The following PTPRN2 variants were observed in gnomAD, a reference collection of about 807,000 sequenced individuals.
PTPRN2 encodes protein tyrosine phosphatase receptor type N2.
Under a neutral mutation model 118.8 loss-of-function variants are expected in PTPRN2, and 74 were observed. The observed-to-expected ratio is 0.62, with a 90% CI of 0.52 to 0.76. The LOEUF (loss-of-function observed/expected upper bound fraction) is 0.76. Ranked by LOEUF, PTPRN2 falls within the 30% of genes least tolerant of loss-of-function variation. The pLI, the probability that PTPRN2 is intolerant of heterozygous loss-of-function variation, is 0.00. For synonymous variants in PTPRN2, 641 were observed against 608.0 expected (o/e 1.05, Z -0.80); for missense variants, 1,481 against 1,394.4 (o/e 1.06, Z -0.99).
intron 3 of PTPRN2, among the ~76,000 whole-genome samples, chr7:158,266,396 C>T (rs572140827): frequency 1.7e-4 from 24 of 145,408 alleles, no homozygotes; most frequent in Non-Finnish European, 3.0e-4. Flanking sequence ...AGGCTGGGGA[C>T]GGTGTCTGCT....
intron 15 of PTPRN2, among the ~76,000 whole-genome samples, chr7:157,613,530 C>T (rs1563262630): frequency 6.6e-6 from 1 of 152,154 alleles, no homozygotes; most frequent in Non-Finnish European, 1.5e-5. Flanking sequence ...GGGTCCGGGG[C>T]GCGTCCTCAG....
intron 11 of PTPRN2, among the ~76,000 whole-genome samples, chr7:157,937,645 C>T (rs1021272905): frequency 2.0e-5 from 3 of 152,218 alleles, no homozygotes; most frequent in Non-Finnish European, 4.4e-5. Flanking sequence ...AGGTTCTGCC[C>T]CGGACTCTCA....
At chr7:158,453,706 C>T (rs2602175) in intron 2 of PTPRN2, among the ~76,000 whole-genome samples, 82,605 of 151,938 alleles carry the variant, frequency 0.54, 22,606 homozygotes, top group Non-Finnish European at 0.55. Flanking sequence ...ATTACTGTCA[C>T]ACAAATTAAC....
intron 11 of PTPRN2, among the ~76,000 whole-genome samples, chr7:157,941,030 A>C (rs1230148360): frequency 2.0e-5 from 1 of 49,212 alleles, no homozygotes; most frequent in Non-Finnish European, 3.2e-5. Context: ...CACCCTCCCC[A>C]CCACGACACT....
intron 3 of PTPRN2, among the ~76,000 whole-genome samples, chr7:158,259,299 C>T (rs775473452): frequency 7.9e-5 from 12 of 152,156 alleles, no homozygotes; most frequent in Non-Finnish European, 1.5e-4. Flanking sequence ...AGGCAGGCCA[C>T]GCAGGACACG....
At chr7:157,932,393 TCAGTC>T (rs1483475458) in intron 11 of PTPRN2, among the ~76,000 whole-genome samples, 1 of 145,138 alleles carries the variant, frequency 6.9e-6, no homozygotes, top group Admixed American at 6.9e-5. Flanking sequence ...ATCCTTCAGT[TCAGTC>T]TTTCTTGGTC....
At chr7:157,969,624 G>A (rs1447938706) in intron 11 of PTPRN2, among the ~76,000 whole-genome samples, 1 of 152,050 alleles carries the variant, frequency 6.6e-6, no homozygotes, top group African/African-American at 2.4e-5. Context: ...ATGCTTGGAA[G>A]GAAGCTGTGG....
intron 9 of PTPRN2, among the ~76,000 whole-genome samples, chr7:158,127,036 A>G (rs1817748600): frequency 6.6e-6 from 1 of 152,198 alleles, no homozygotes; most frequent in South Asian, 2.1e-4. Context: ...AAGTTTTGTC[A>G]TAAGAAACAC....
intron 11 of PTPRN2, among the ~76,000 whole-genome samples, chr7:157,971,450 C>T (rs950472842): frequency 3.3e-5 from 5 of 152,050 alleles, no homozygotes; most frequent in African/African-American, 9.7e-5. Context: ...CTGTAATGAG[C>T]GCCACTTGGA....
intron 2 of PTPRN2, among the ~76,000 whole-genome samples, chr7:158,461,490 C>T (rs951765592): frequency 8.6e-6 from 1 of 116,170 alleles, no homozygotes; most frequent in African/African-American, 3.2e-5. Flanking sequence ...AGCGAGACTC[C>T]GTCTCAAAAA....
chr7:158,264,905 C>T (rs984340569), intron 3 of PTPRN2, among the ~76,000 whole-genome samples: 12 of 152,118 alleles, frequency 7.9e-5, no homozygotes, highest in African/African-American at 2.9e-4. Flanking sequence ...TGGGGTCCTC[C>T]TCCTCTTCCC....
Position 157,908,524 on chromosome 7 carries a change from C to T in PTPRN2, c.1724-9787G>A, listed in dbSNP as rs887470778. Among the ~76,000 whole-genome samples the T allele has an allele frequency of 2.6e-5, 4 of 152,340 alleles. No homozygotes were observed. In the East Asian group the frequency reaches 5.8e-4, roughly 22 times the overall value. On this transcript the variant is annotated intron_variant, in intron 11 of 22. Transcript: ENST00000389418. ...CCCACTCTTGCGTTTCTTTGCACGT[C>T]GGCTCACAGCTCTAGAAGTACTCAC...
intron 11 of PTPRN2, among the ~76,000 whole-genome samples, chr7:157,904,759 G>C (rs1222234731): frequency 1.4e-5 from 2 of 144,520 alleles, no homozygotes; most frequent in Non-Finnish European, 2.9e-5. Context: ...CTCACTGGCA[G>C]AGAGAATCGA....
chr7:158,051,662 A>G (rs1428504825), intron 11 of PTPRN2, among the ~76,000 whole-genome samples: 1 of 152,258 alleles, frequency 6.6e-6, no homozygotes, highest in Non-Finnish European at 1.5e-5. Flanking sequence ...GGTGACGTTC[A>G]GCACTGATTA....
intron 9 of PTPRN2, among the ~76,000 whole-genome samples, chr7:158,123,612 C>G (rs1358186758): frequency 3.9e-5 from 6 of 152,276 alleles, no homozygotes; most frequent in Non-Finnish European, 8.8e-5. Flanking sequence ...GCTAGTGGGG[C>G]TGTCCACACC....
At position 158,070,579 on chromosome 7, in the gene PTPRN2, GGTGGTGGAGGTGCCT is replaced by G. The variant is rs1379852808; in HGVS notation, c.1723+10704_1723+10718del. Among the ~76,000 whole-genome samples, 964 of 116,552 alleles carry G rather than the reference GGTGGTGGAGGTGCCT, an allele frequency of 8.3e-3. 55 individuals are homozygous for G. Among genetic ancestry groups the G allele is most frequent in the Non-Finnish European group, 0.011 (602 of 56,998 alleles). 76.5% of individuals were successfully genotyped at this position (116,552 alleles called of 152,430 possible). A position where few individuals can be genotyped will look rare whatever the true frequency, so the allele number is the denominator to read the frequency against. On this transcript the variant is annotated intron_variant, in intron 11 of 22. Transcript: ENST00000389418. The stretch of plus-strand genomic sequence containing the variant: ...CCATGGTGGTGGTGGAGGTGCCCGT[GGTGGTGGAGGTGCCT>G]GTGGTGGAGGTGCTCCTGGTGGTGG...
Position 157,969,124 on chromosome 7 carries a change from C to CTT in PTPRN2, c.1724-70389_1724-70388dup, listed in dbSNP as rs11395845. Among the ~76,000 whole-genome samples the CTT allele has an allele frequency of 1.6e-3, 235 of 149,976 alleles. 1 individual carries two copies. The highest frequency in any genetic ancestry group is 5.2e-3 in the African/African-American group (214 of 40,830). On this transcript the variant is annotated intron_variant, in intron 11 of 22. Transcript: ENST00000389418. ...GCAATATCCATGGCATCAATGTTTC[C>CTT]TTTTTTTTTTCATCTTGCTCTGTCA...
At chr7:158,074,381 A>C (rs1325889853) in intron 11 of PTPRN2, among the ~76,000 whole-genome samples, 1 of 152,196 alleles carries the variant, frequency 6.6e-6, no homozygotes, top group Non-Finnish European at 1.5e-5. Flanking sequence ...CTGTGTTTCT[A>C]ACAGGTCCTC....
chr7:157,608,412 G>A lies in PTPRN2; in HGVS notation c.2345-4337C>T, dbSNP rs73163822. Among the ~76,000 whole-genome samples the A allele has an allele frequency of 3.3e-5, 5 of 152,224 alleles. 1 individual carries two copies. The highest frequency in any genetic ancestry group is 9.6e-5 in the African/African-American group (4 of 41,530). ...TAATATGGGGTCATTTGGAACCTCC[G>A]GGAAATGCTTGGAGCCATCCTGGGA... On this transcript the variant is annotated intron_variant, in intron 15 of 22. Transcript: ENST00000389418.
Sources: gnomAD v4.1 joint callset for allele counts (sites outside exome capture counted in the v4.1 genomes callset) on GRCh38, gnomAD v4.1.1 for gene constraint, MANE v1.5 for transcripts, NCBI Gene and HGNC (gene_info 2026-07-23, HGNC 2026-07-21) for gene names.